The following BRD1 variants were observed in gnomAD, a reference collection of about 807,000 sequenced individuals.
BRD1 encodes bromodomain-containing protein 1.
BRD1 carries 24 observed loss-of-function variants against 107.7 expected under a neutral mutation model. The observed-to-expected ratio is 0.22, with a 90% confidence interval of 0.16 to 0.31. The LOEUF is 0.31. BRD1 is among the 10% of genes least tolerant of loss of function. The probability of loss-of-function intolerance (pLI) is 1.00; values close to 1 mark genes in which losing one functional copy is unlikely to be tolerated. For synonymous variants in BRD1, 744 were observed against 686.1 expected (o/e 1.08, Z -1.32); for missense variants, 1,279 against 1,638.6 (o/e 0.78, Z 3.79).
chr22:49,777,632 G>A lies in BRD1; in HGVS notation c.2993+46C>T, dbSNP rs775162931. The A allele has an allele frequency of 4.6e-5, 73 of 1,581,532 alleles. 1 individual carries two copies. The South Asian group carries it at 6.7e-4, about 15-fold the overall frequency. On this transcript the variant is annotated intron_variant, in intron 9 of 12. Coordinates refer to ENST00000404760, the MANE Select transcript of BRD1 (RefSeq NM_001304808.3). The stretch of plus-strand genomic sequence containing the variant: ...TCCAGGACAGCCAGGCGGGGCGGGC[G>A]GTGCTGGGAGCTGCGTGGTGGGAAG...
At chr22:49,796,482 A>C (rs1274961318) in intron 6 of BRD1, among the ~76,000 whole-genome samples, 2 of 151,682 alleles carry the variant, frequency 1.3e-5, no homozygotes, top group African/African-American at 4.8e-5. Flanking sequence ...TCAGCCTCCG[A>C]AATAGCTGGG....
chr22:49,821,869 C>T (rs887111341), intron 2 of BRD1, among the ~76,000 whole-genome samples: 1 of 152,228 alleles, frequency 6.6e-6, no homozygotes, highest in African/African-American at 2.4e-5. Flanking sequence ...AGCTCAGCAC[C>T]AGGCTGGCTC....
At position 49,776,107 on chromosome 22, in the gene BRD1, C is replaced by A; in HGVS notation, c.3174G>T (p.Leu1058=). ...TGGCCCACACCACCTTCAGAGGCTC[C>A]AGCACCGAGGCGGCGGCATCAGTGG... ...WISTDAAASV[L]EPLKVVWAKC... Residue 1058 remains leucine (L), a synonymous_variant, in exon 11 of 13, where the codon CTG becomes CTT. Transcript: ENST00000404760. The A allele has an allele frequency of 1.2e-6, 2 of 1,604,982 alleles. No individual in the cohort carries two copies.
rs2059128775 is a variant in BRD1 at position 49,777,736 on chromosome 22, G to T, written c.2935C>A (p.Arg979=). The T allele has an allele frequency of 1.2e-6, 2 of 1,606,886 alleles. No individual in the cohort carries two copies. The highest frequency in any genetic ancestry group is 2.7e-5 in the African/African-American group (2 of 74,838). ...ATGCTGGACTCGGAGGCACAGCGTC[G>T]TCGGGGTGTGGCCTTCCTCCCCAGG... The part of the protein sequence containing the change: ...GGLGRKATPR[R]RCASESSISS... The change falls in exon 9 of 13, where the codon CGA becomes AGA. Residue 979 remains arginine, a synonymous_variant. Coordinates refer to ENST00000404760, the MANE Select transcript of BRD1 (RefSeq NM_001304808.3).
chr22:49,785,693 T>C (rs775505871), intron 8 of BRD1, among the ~76,000 whole-genome samples: 3 of 152,238 alleles, frequency 2.0e-5, no homozygotes, highest in Non-Finnish European at 2.9e-5. Flanking sequence ...TATTTTAAAA[T>C]GCCAATTTAA....
rs184366344 is a variant in BRD1 at position 49,809,204 on chromosome 22, A to G, written c.1368-4844T>C. Reference sequence around the variant, plus strand: ...GTAATCCAACATAAGTCAACAGTCTAAAGTTGCTAATGAAGAGGTTGTCAA... The same window carrying G: ...GTAATCCAACATAAGTCAACAGTCTGAAGTTGCTAATGAAGAGGTTGTCAA... On this transcript the variant is annotated intron_variant, in intron 2 of 12. Coordinates refer to ENST00000404760, the MANE Select transcript of BRD1 (RefSeq NM_001304808.3). 1.3e-4 allele frequency among the ~76,000 whole-genome samples: 20 copies of G among 152,216 alleles called. No homozygotes were observed. The East Asian group carries it at 3.3e-3, about 25-fold the overall frequency.
chr22:49,778,039 T>C (rs1055725649), intron 8 of BRD1, among the ~76,000 whole-genome samples: 1 of 152,218 alleles, frequency 6.6e-6, no homozygotes, highest in African/African-American at 2.4e-5. Flanking sequence ...TCGGCTCCGA[T>C]CGTAGTAGTT....
intron 8 of BRD1, among the ~76,000 whole-genome samples, chr22:49,782,765 C>G (rs1275525695): frequency 8.0e-6 from 1 of 125,278 alleles, no homozygotes; most frequent in African/African-American, 3.1e-5. Context: ...CAGTCAGAGA[C>G]AGACCCAAAG....
chr22:49,774,206 A>G lies in BRD1; in HGVS notation c.*27T>C. The G allele has an allele frequency of 6.2e-7, 1 of 1,606,120 alleles. No individual in the cohort carries two copies. ...CATGTACAGCTTATCAACACTATGG[A>G]CAAGACCCGCGCTGGCGGCCGGGCC... is the stretch of plus-strand genomic sequence containing the variant. On this transcript the variant is annotated 3_prime_UTR_variant, in exon 13 of 13. Coordinates refer to ENST00000404760, the MANE Select transcript of BRD1 (RefSeq NM_001304808.3).
At chr22:49,802,928 G>C (rs2059668744) in intron 3 of BRD1, among the ~76,000 whole-genome samples, 1 of 152,266 alleles carries the variant, frequency 6.6e-6, no homozygotes, top group Admixed American at 6.5e-5. Context: ...GTGGACACGT[G>C]AGGATCTCAC....
intron 2 of BRD1, among the ~76,000 whole-genome samples, chr22:49,810,152 AAGCG>A (rs780771782): frequency 3.3e-5 from 5 of 152,190 alleles, no homozygotes; most frequent in Non-Finnish European, 5.9e-5. Context: ...GAAAGAAAGA[AAGCG>A]AGCGAGCAAG....
At position 49,793,751 on chromosome 22, in the gene BRD1, C is replaced by G. The variant is rs1479279090; in HGVS notation, c.2359+283G>C. Among the ~76,000 whole-genome samples, 3 of 152,248 alleles carry G rather than the reference C, an allele frequency of 2.0e-5. No individual in the cohort carries two copies. The South Asian group carries it at 6.2e-4, about 32-fold the overall frequency. On this transcript the variant is annotated intron_variant, in intron 7 of 12. Coordinates refer to ENST00000404760, the MANE Select transcript of BRD1 (RefSeq NM_001304808.3). Reference sequence around the variant, plus strand: ...AAACCATTCTTTTCAAATAGTTTCTCAGGCCCAAGTTAAAGAGAAAAATTT... The same window carrying G: ...AAACCATTCTTTTCAAATAGTTTCTGAGGCCCAAGTTAAAGAGAAAAATTT...
chr22:49,787,989 T>G (rs187778504), intron 7 of BRD1, 102 bp from the exon 8 acceptor site: 643 of 1,170,588 alleles, frequency 5.5e-4, no homozygotes, highest in Non-Finnish European at 6.6e-4. Flanking sequence ...CTAATTCAGT[T>G]AAGGAAACAA....
intron 7 of BRD1, among the ~76,000 whole-genome samples, chr22:49,791,445 TG>T (rs2059432470): frequency 6.6e-6 from 1 of 152,238 alleles, no homozygotes; most frequent in Admixed American, 6.5e-5. Context: ...ACAGTTTAAG[TG>T]AGACTGTGTA....
chr22:49,819,881 G>A (rs889249854), intron 2 of BRD1, among the ~76,000 whole-genome samples: 2 of 152,214 alleles, frequency 1.3e-5, no homozygotes, highest in East Asian at 1.9e-4. Flanking sequence ...TGTAATCCCA[G>A]CACTTTGGGA....
intron 2 of BRD1, among the ~76,000 whole-genome samples, chr22:49,816,206 C>T (rs1485305309): frequency 1.3e-5 from 2 of 152,208 alleles, no homozygotes; most frequent in Non-Finnish European, 2.9e-5. Flanking sequence ...CAAAGGGGGC[C>T]GCGGCCGGTG....
chr22:49,799,848 T>C (rs934916784), intron 3 of BRD1, among the ~76,000 whole-genome samples: 6 of 152,240 alleles, frequency 3.9e-5, no homozygotes, highest in African/African-American at 1.4e-4. Flanking sequence ...CACCTGGGTC[T>C]GCCCTCAGCC....
intron 2 of BRD1, among the ~76,000 whole-genome samples, chr22:49,814,920 C>T (rs1054170612): frequency 6.6e-6 from 1 of 152,208 alleles, no homozygotes; most frequent in Non-Finnish European, 1.5e-5. Flanking sequence ...CTGCTGAGAA[C>T]ATCTTCTACA....
Position 49,821,490 on chromosome 22 carries a change from T to C in BRD1, c.1367+1461A>G, listed in dbSNP as rs563429092. On this transcript the variant is annotated intron_variant, in intron 2 of 12. Coordinates refer to ENST00000404760, the MANE Select transcript of BRD1 (RefSeq NM_001304808.3). ...CCCTGGATGGGAAGGATTATGAGCA[T>C]TTTTTGTTCATTCTGTCTGAATTGA... 2.6e-5 allele frequency among the ~76,000 whole-genome samples: 4 copies of C among 152,368 alleles called. No individual in the cohort carries two copies. The East Asian group carries it at 5.8e-4, about 22-fold the overall frequency.
Sources: allele counts gnomAD v4.1 joint callset (sites outside exome capture counted in the v4.1 genomes callset), GRCh38; gene constraint gnomAD v4.1.1; transcripts MANE v1.5; gene names NCBI Gene and HGNC (gene_info 2026-07-23, HGNC 2026-07-21).